PANK1: variants seen among roughly 807,000 people sequenced by gnomAD.
PANK1 encodes pantothenic acid kinase 1.
In PANK1, 18 loss-of-function variants were observed where a neutral mutation model predicts 40.1. The observed-to-expected ratio is 0.45, with a 90% CI of 0.31 to 0.67. The LOEUF (loss-of-function observed/expected upper bound fraction) is 0.67, where lower values mean the gene tolerates loss of function less well. PANK1 is among the 30% of genes least tolerant of loss of function. The probability of loss-of-function intolerance (pLI) is 0.06; values close to 1 mark genes in which losing one functional copy is unlikely to be tolerated. For missense variants in PANK1, 457 were observed against 599.6 expected (o/e 0.76, Z 2.48); for synonymous variants, 242 against 237.7 (o/e 1.02, Z -0.17).
chr10:89,616,573 T>C (rs755735330), intron 1 of PANK1, among the ~76,000 whole-genome samples: 4 of 152,076 alleles, frequency 2.6e-5, no homozygotes, highest in Non-Finnish European at 5.9e-5. Flanking sequence ...GTACTACGAC[T>C]ATGCCTGTGA....
chr10:89,616,694 A>G (rs1367584315), intron 1 of PANK1, among the ~76,000 whole-genome samples: 1 of 152,106 alleles, frequency 6.6e-6, no homozygotes, highest in African/African-American at 2.4e-5. Context: ...AGGCCCAGGC[A>G]GGCGGATTTT....
At chr10:89,593,598 A>G (rs1050115070) in intron 4 of PANK1, among the ~76,000 whole-genome samples, 1 of 152,202 alleles carries the variant, frequency 6.6e-6, no homozygotes, top group Non-Finnish European at 1.5e-5. Context: ...AGTTTTCTAG[A>G]ACCTTCTTTC....
At chr10:89,624,658 T>C (rs1845603794) in intron 1 of PANK1, among the ~76,000 whole-genome samples, 1 of 151,918 alleles carries the variant, frequency 6.6e-6, no homozygotes, top group South Asian at 2.1e-4. Flanking sequence ...GTTATATTTA[T>C]TTTTTTTAGT....
At chr10:89,618,620 C>T (rs1845389069) in intron 1 of PANK1, among the ~76,000 whole-genome samples, 1 of 152,170 alleles carries the variant, frequency 6.6e-6, no homozygotes, top group African/African-American at 2.4e-5. Flanking sequence ...TTCTTCCAGG[C>T]CCATGGGGTC....
chr10:89,635,783 A>G (rs1366845324), intron 1 of PANK1, among the ~76,000 whole-genome samples: 4 of 152,214 alleles, frequency 2.6e-5, no homozygotes, highest in Non-Finnish European at 5.9e-5. Context: ...ACTTACTTCC[A>G]AAATACAATG....
chr10:89,585,003 T>A (rs1220276271), intron 6 of PANK1, among the ~76,000 whole-genome samples: 1 of 152,154 alleles, frequency 6.6e-6, no homozygotes, highest in South Asian at 2.1e-4. Flanking sequence ...CTAAAAAATA[T>A]AAATTTTTAG....
intron 1 of PANK1, among the ~76,000 whole-genome samples, chr10:89,617,304 G>A (rs1845349426): frequency 6.6e-6 from 1 of 152,234 alleles, no homozygotes; most frequent in Non-Finnish European, 1.5e-5. Context: ...ATGGATTCTG[G>A]AGACTGGCAC....
At chr10:89,630,979 G>C (rs1841624662) in intron 1 of PANK1, among the ~76,000 whole-genome samples, 1 of 152,122 alleles carries the variant, frequency 6.6e-6, no homozygotes, top group Admixed American at 6.5e-5. Context: ...TTAGCCTGGG[G>C]AACACAGCAA....
intron 1 of PANK1, among the ~76,000 whole-genome samples, chr10:89,624,159 G>A (rs1010708295): frequency 6.6e-6 from 1 of 152,196 alleles, no homozygotes; most frequent in African/African-American, 2.4e-5. Flanking sequence ...GAGGCATGTA[G>A]AAGTATTATC....
chr10:89,609,787 T>C (rs967594169), intron 2 of PANK1, among the ~76,000 whole-genome samples: 1 of 152,196 alleles, frequency 6.6e-6, no homozygotes, highest in African/African-American at 2.4e-5. Context: ...TTTATCTTGG[T>C]TGTAATGAGA....
intron 1 of PANK1, among the ~76,000 whole-genome samples, chr10:89,635,148 A>C (rs1841766826): frequency 6.6e-6 from 1 of 151,936 alleles, no homozygotes; most frequent in Admixed American, 6.6e-5. Flanking sequence ...ATATATAGAG[A>C]GAGAGAGAGA....
intron 2 of PANK1, among the ~76,000 whole-genome samples, chr10:89,605,930 A>C (rs1844951709): frequency 1.3e-5 from 2 of 152,218 alleles, no homozygotes; most frequent in African/African-American, 2.4e-5. Context: ...ATATTGTATT[A>C]ATAGGCATGA....
chr10:89,633,049 C>T (rs1274810114), intron 1 of PANK1, among the ~76,000 whole-genome samples: 1 of 152,114 alleles, frequency 6.6e-6, no homozygotes, highest in African/African-American at 2.4e-5. Context: ...TGAACTGTGT[C>T]CCAGTCACTG....
At chr10:89,605,821 A>G (rs1844947669) in intron 2 of PANK1, among the ~76,000 whole-genome samples, 1 of 152,168 alleles carries the variant, frequency 6.6e-6, no homozygotes, top group Non-Finnish European at 1.5e-5. Context: ...TATGGCAGCT[A>G]TGGCCTATGA....
chr10:89,610,552 T>A (rs1465176796), intron 2 of PANK1, among the ~76,000 whole-genome samples: 1 of 152,182 alleles, frequency 6.6e-6, no homozygotes, highest in African/African-American at 2.4e-5. Flanking sequence ...AAACTTACTA[T>A]AATCAATGAG....
chr10:89,617,312 C>A (rs947379504), intron 1 of PANK1, among the ~76,000 whole-genome samples: 1 of 152,140 alleles, frequency 6.6e-6, no homozygotes, highest in Non-Finnish European at 1.5e-5. Flanking sequence ...TGGAGACTGG[C>A]ACAGCATTTG....
At chr10:89,641,367 A>T (rs1354992597) in intron 1 of PANK1, among the ~76,000 whole-genome samples, 4 of 152,190 alleles carry the variant, frequency 2.6e-5, no homozygotes, top group Non-Finnish European at 4.4e-5. Context: ...TGATGGCTAA[A>T]ACTGGTAACA....
downstream of PANK1, chr10:89,580,089 CCTT>C (rs1234004939): frequency 1.3e-5 from 2 of 152,192 alleles, no homozygotes; most frequent in Non-Finnish European, 2.9e-5. Context: ...AGTATTGAAA[CCTT>C]CTTGCTCAAT....
rs774786581 is a variant in PANK1 at position 89,584,452 on chromosome 10, G to C, written c.1340C>G (p.Ala447Gly). The C allele has an allele frequency of 1.9e-6, 3 of 1,605,776 alleles. No homozygotes were observed. ...GAACAGTTCCAACAGTGCCCCAACG[G>C]CTCCAAAATAACCCTACGAAAACAA... ...LFLEHEGYFG[A>G]VGALLELFKM... is the part of the protein sequence containing the mutation. The change falls in exon 7 of 7, where the codon GCC becomes GGC. Residue 447 changes from alanine (A) to glycine (G), a missense_variant. Transcript: ENST00000307534.
Sources: gnomAD v4.1 joint callset for allele counts (sites outside exome capture counted in the v4.1 genomes callset) on GRCh38, gnomAD v4.1.1 for gene constraint, MANE v1.5 for transcripts, NCBI Gene and HGNC (gene_info 2026-07-23, HGNC 2026-07-21) for gene names.